The following SF3A2 variants were observed in gnomAD, a reference collection of about 807,000 sequenced individuals.
SF3A2 encodes the protein SAP 62.
In SF3A2, 5 loss-of-function variants were observed where a neutral mutation model predicts 31.1. The ratio of observed to expected loss-of-function variants is 0.16; its 90% confidence interval spans 0.08 to 0.34. The LOEUF is 0.34. SF3A2 is among the 10% of genes least tolerant of loss of function. SF3A2 has a pLI of 1.00. For synonymous variants in SF3A2, 365 were observed against 263.7 expected, an observed-to-expected ratio of 1.38 and a Z score of -3.72; for missense variants, 577 against 643.9, an observed-to-expected ratio of 0.90 and a Z score of 1.13.
intron 1 of SF3A2, among the ~76,000 whole-genome samples, chr19:2,241,297 C>G (rs1450866671): frequency 6.6e-6 from 1 of 152,132 alleles, no homozygotes; most frequent in Non-Finnish European, 1.5e-5. Flanking sequence ...CCTGCCTTCT[C>G]ACACGTTCCC....
rs558076760 is a variant in SF3A2, at chr19:2,238,403, TTTC to T, written c.-38+1506_-38+1508del. On this transcript the variant is annotated intron_variant, in intron 1 of 8. Transcript: ENST00000221494. ...GATCTTTACCTTAGTAAGTAACAGATTTCTTCATGGATTTATCAATTTGTAGAC... is the reference window on the plus strand; with the variant it reads ...GATCTTTACCTTAGTAAGTAACAGATTTCATGGATTTATCAATTTGTAGAC... Among the ~76,000 whole-genome samples the T allele has an allele frequency of 2.2e-4, 33 of 152,262 alleles. No individual in the cohort carries two copies. In the South Asian group the frequency reaches 6.8e-3, roughly 32 times the overall value.
intron 4 of SF3A2, 139 bp downstream of exon 4, chr19:2,244,918 G>A: frequency 1.3e-6 from 1 of 747,558 alleles, no homozygotes; most frequent in South Asian, 1.7e-5. Context: ...TACGGTTCCT[G>A]GGGAGCATTA....
In SF3A2 at chr19:2,240,519, C is replaced by T. The variant is rs1419308453; in HGVS notation, c.-37-2863C>T. Among the ~76,000 whole-genome samples, 2 of 152,168 alleles carry T rather than the reference C, an allele frequency of 1.3e-5. 1 individual carries two copies. Among genetic ancestry groups the T allele is most frequent in the Admixed American group, 1.3e-4 (2 of 15,274 alleles). ...TTCGGATGGTTTCTGGTTTTCGGAT[C>T]AGAGCTTTACTTGGTGAGTGGTTGA... On this transcript the variant is annotated intron_variant, in intron 1 of 8. Coordinates refer to ENST00000221494, the MANE Select transcript of SF3A2 (RefSeq NM_007165.5).
At chr19:2,244,198 G>A (rs1178922122) in intron 2 of SF3A2, among the ~76,000 whole-genome samples, 2 of 150,628 alleles carry the variant, frequency 1.3e-5, no homozygotes, top group East Asian at 1.9e-4. Context: ...GCGTGGTGGC[G>A]TGGGCAGTGG....
intron 1 of SF3A2, among the ~76,000 whole-genome samples, chr19:2,243,005 T>G (rs1479453219): frequency 6.6e-6 from 1 of 152,172 alleles, no homozygotes; most frequent in Non-Finnish European, 1.5e-5. Context: ...CGGGATGGCT[T>G]CCTGGAGGTG....
chr19:2,240,099 C>T (rs990087935), intron 1 of SF3A2, among the ~76,000 whole-genome samples: 1 of 152,192 alleles, frequency 6.6e-6, no homozygotes, highest in African/African-American at 2.4e-5. Flanking sequence ...CGGGCCTTTT[C>T]TTTGAGGTGT....
At chr19:2,240,680 C>T (rs2024881580) in intron 1 of SF3A2, among the ~76,000 whole-genome samples, 1 of 152,240 alleles carries the variant, frequency 6.6e-6, no homozygotes, top group South Asian at 2.1e-4. Context: ...ACTTGGCTTG[C>T]CCTAGATGGA....
intron 1 of SF3A2, among the ~76,000 whole-genome samples, chr19:2,242,609 C>T (rs2024900989): frequency 6.6e-6 from 1 of 152,218 alleles, no homozygotes; most frequent in Admixed American, 6.5e-5. Context: ...CACTCAGTCT[C>T]ATGGGCCCCA....
chr19:2,244,189 C>T (rs1167376636), intron 2 of SF3A2, among the ~76,000 whole-genome samples: 3 of 150,928 alleles, frequency 2.0e-5, no homozygotes, highest in Admixed American at 6.6e-5. Flanking sequence ...CTACTGCTGG[C>T]GTGGTGGCGT....
Position 2,245,295 on chromosome 19 carries a change from G to T in SF3A2, c.246-151G>T. 2 of 614,088 alleles carry T rather than the reference G, an allele frequency of 3.3e-6. No homozygotes were observed. Among genetic ancestry groups the T allele is most frequent in the South Asian group, 2.0e-5 (1 of 50,436 alleles). 38.0% of individuals were successfully genotyped at this position (614,088 alleles called of 1,614,324 possible). On this transcript the variant is annotated intron_variant, in intron 4 of 8. Transcript: ENST00000221494. This position sits in a 1 kb window ranked among gnomAD's most constrained non-coding sequence, Gnocchi z 4.2. ...CATGCCTGTCCTATCCCTGTCCTCA[G>T]CCAAACCCCAGGGCCCCTCCCAGGC...
chr19:2,241,816 A>G (rs945482382), intron 1 of SF3A2, among the ~76,000 whole-genome samples: 1 of 152,158 alleles, frequency 6.6e-6, no homozygotes, highest in Non-Finnish European at 1.5e-5. Context: ...CGATGGTCAC[A>G]GTGGTGGTTT....
rs772006214 is a variant in SF3A2 at position 2,247,898 on chromosome 19, G to A, written c.747G>A (p.Glu249=). 1.9e-6 allele frequency: 3 copies of A among 1,581,476 alleles called. No homozygotes were observed. In the African/African-American group the frequency reaches 4.1e-5, roughly 21 times the overall value. Residue 249 remains glutamate, a synonymous_variant, in exon 9 of 9, where the codon GAG becomes GAA. Transcript: ENST00000221494. ...TGCCCCCTCGGCCACCGCTGCCTGA[G>A]TCTTTGCCACCGCCCCCGCCAGGAG... is the stretch of plus-strand genomic sequence containing the variant. ...NGLPPRPPLP[E]SLPPPPPGGL...
chr19:2,246,640 C>A lies in SF3A2; in HGVS notation c.356-113C>A. 8.2e-7 allele frequency: 1 copy of A among 1,221,450 alleles called. No homozygotes were observed. Among genetic ancestry groups the A allele is most frequent in the Non-Finnish European group, 1.2e-6 (1 of 856,160 alleles). The allele number at this position is 1,221,450 out of a possible 1,614,324, so 75.7% of individuals were successfully genotyped here. The stretch of plus-strand genomic sequence containing the variant: ...GATTGTCTAATGGTTGCCAGAGCTG[C>A]AGGGCCTCCCCCGGGGTCCCGCTCT... On this transcript the variant is annotated intron_variant, in intron 5 of 8. Transcript: ENST00000221494. This position sits in a 1 kb window ranked among gnomAD's most constrained non-coding sequence, Gnocchi z 5.5.
intron 1 of SF3A2, among the ~76,000 whole-genome samples, chr19:2,240,407 C>T (rs2041112): frequency 6.6e-6 from 1 of 152,328 alleles, no homozygotes; most frequent in East Asian, 1.9e-4. Context: ...GTGGGCGATC[C>T]GAGCGTGGGA....
At position 2,245,823 on chromosome 19, in the gene SF3A2, T is replaced by G. The variant is rs1364340411; in HGVS notation, c.355+268T>G. On this transcript the variant is annotated intron_variant, in intron 5 of 8. Coordinates refer to ENST00000221494, the MANE Select transcript of SF3A2 (RefSeq NM_007165.5). This position sits in a 1 kb window ranked among gnomAD's most constrained non-coding sequence, Gnocchi z 4.2. ...CTCCTGTCCGGGTCTTGTGGAAGCT[T>G]CTGGGAATTCTTGCCAAGCAAAAGA... 1.0e-5 allele frequency: 5 copies of G among 487,748 alleles called. No homozygotes were observed. The highest frequency in any genetic ancestry group is 1.8e-5 in the Non-Finnish European group (5 of 271,604). The allele number at this position is 487,748 out of a possible 1,614,324, so 30.2% of individuals were successfully genotyped here. A position where few individuals can be genotyped will look rare whatever the true frequency, so the allele number is the denominator to read the frequency against.
At chr19:2,238,592 CAAGT>C (rs2024861072) in intron 1 of SF3A2, among the ~76,000 whole-genome samples, 2 of 152,208 alleles carry the variant, frequency 1.3e-5, no homozygotes, top group Admixed American at 6.5e-5. Context: ...GCTGCTAAAA[CAAGT>C]AATATGTTCA....
Position 2,245,224 on chromosome 19 carries a change from G to A in SF3A2, c.246-222G>A, listed in dbSNP as rs1226133886. On this transcript the variant is annotated intron_variant, in intron 4 of 8. Transcript: ENST00000221494. This position sits in a 1 kb window ranked among gnomAD's most constrained non-coding sequence, Gnocchi z 4.2. Reference sequence around the variant, plus strand: ...AAAAGAGCAGAGGCATGGAGTTGTTGGAAGGGCCCCAGCCAGGGACAGTGA... The same window carrying A: ...AAAAGAGCAGAGGCATGGAGTTGTTAGAAGGGCCCCAGCCAGGGACAGTGA... 4 of 533,254 alleles carry A rather than the reference G, an allele frequency of 7.5e-6. No homozygotes were observed. Among genetic ancestry groups the A allele is most frequent in the Non-Finnish European group, 1.3e-5 (4 of 302,760 alleles). 33.0% of individuals were successfully genotyped at this position (533,254 alleles called of 1,614,324 possible). A position where few individuals can be genotyped will look rare whatever the true frequency, so the allele number is the denominator to read the frequency against.
chr19:2,247,001 C>T lies in SF3A2; in HGVS notation c.525C>T (p.Pro175=). 1.3e-6 allele frequency: 2 copies of T among 1,511,716 alleles called. No individual in the cohort carries two copies. The allele number at this position is 1,511,716 out of a possible 1,614,324, so 93.6% of individuals were successfully genotyped here. A position where few individuals can be genotyped will look rare whatever the true frequency, so the allele number is the denominator to read the frequency against. Residue 175 remains proline (P), a synonymous_variant, in exon 7 of 9, where the codon CCC becomes CCT. Coordinates refer to ENST00000221494, the MANE Select transcript of SF3A2 (RefSeq NM_007165.5). ...AGTACCTGCTCATGGCCGCCGAGCCCTACGAGACCATTGCCTTCAAGGTAG... is the reference window on the plus strand; with the variant it reads ...AGTACCTGCTCATGGCCGCCGAGCCTTACGAGACCATTGCCTTCAAGGTAG... ...RWQYLLMAAE[P]YETIAFKVPS...
chr19:2,245,482 T>C lies in SF3A2; in HGVS notation c.282T>C (p.Pro94=). ...RRAAKEAKEA[P]AQPAPEKVKV... The stretch of plus-strand genomic sequence containing the variant: ...CAGCCAAGGAGGCCAAGGAGGCCCC[T>C]GCCCAGCCCGCGCCTGAGAAGGTCA... Residue 94 remains proline, a synonymous_variant, in exon 5 of 9, where the codon CCT becomes CCC. Transcript: ENST00000221494. This position sits in a 1 kb window ranked among gnomAD's most constrained non-coding sequence, Gnocchi z 4.2. The C allele has an allele frequency of 1.3e-6, 2 of 1,551,052 alleles. No homozygotes were observed. The highest frequency in any genetic ancestry group is 2.4e-5 in the South Asian group (2 of 84,062).
Sources: gnomAD v4.1 joint callset for allele counts (sites outside exome capture counted in the v4.1 genomes callset) on GRCh38, gnomAD v4.1.1 for gene constraint, Gnocchi (gnomAD v3.1) non-coding constraint, MANE v1.5 for transcripts, NCBI Gene and HGNC (gene_info 2026-07-23, HGNC 2026-07-21) for gene names.